DIABLO: variants seen among roughly 807,000 people sequenced by gnomAD.
DIABLO encodes diablo homolog, mitochondrial.
Under a neutral mutation model 31.7 loss-of-function variants are expected in DIABLO, and 32 were observed. The ratio of observed to expected loss-of-function variants is 1.01; its 90% CI spans 0.76 to 1.35. The LOEUF is 1.35. Among genes scored for constraint, DIABLO ranks in the 40% most tolerant of loss-of-function variants. DIABLO has a pLI of 0.00. For synonymous variants in DIABLO, 132 were observed against 103.2 expected (o/e 1.28, Z -1.69); for missense variants, 316 against 286.4 (o/e 1.10, Z -0.75).
intron 5 of DIABLO, among the ~76,000 whole-genome samples, chr12:122,212,295 A>G (rs148509987): frequency 2.5e-3 from 386 of 152,148 alleles, no homozygotes; most frequent in African/African-American, 7.2e-3. Context: ...AAATTTAAAA[A>G]CTTGTTTTAC....
upstream of DIABLO, chr12:122,226,347 A>C (rs1242255038): frequency 6.8e-5 from 41 of 605,792 alleles, 2 homozygotes; most frequent in Admixed American, 4.9e-4. Context: ...GCTTGAAGGG[A>C]ATTTCCTGGT....
upstream of DIABLO, chr12:122,226,233 G>A (rs1341539294): frequency 2.6e-6 from 2 of 777,970 alleles, no homozygotes; most frequent in African/African-American, 1.7e-5. Flanking sequence ...TTCCGCGCGG[G>A]GCGGGGCATA....
intron 1 of DIABLO, chr12:122,225,378 T>G: frequency 1.0e-6 from 1 of 990,208 alleles, no homozygotes; most frequent in Non-Finnish European, 1.2e-6. Context: ...CAGAGGCAGA[T>G]CTTGTCTCAA....
Position 122,218,322 on chromosome 12 carries a change from T to C in DIABLO, c.259A>G (p.Thr87Ala), listed in dbSNP as rs761129000. The C allele has an allele frequency of 8.7e-6, 14 of 1,614,022 alleles. No individual in the cohort carries two copies. Among genetic ancestry groups the C allele is most frequent in the Admixed American group, 1.7e-5 (1 of 59,994 alleles). ...GCATATGTGGTCTGAGAGAGAAAGG[T>C]AGAGGTGCTATCTGTTACCAAAGAC... ...AVSLVTDSTS[T>A]FLSQTTYALI... The change falls in exon 3 of 6, where the codon ACC (threonine) becomes GCC (alanine). Residue 87 changes from threonine (T) to alanine (A), a missense_variant. Thr to Ala is a moderately conservative substitution (Grantham distance 58). Coordinates refer to ENST00000464942, the MANE Select transcript of DIABLO (RefSeq NM_001371333.1).
intron 5 of DIABLO, among the ~76,000 whole-genome samples, chr12:122,210,070 T>A (rs1566021290): frequency 6.6e-6 from 1 of 152,164 alleles, no homozygotes; most frequent in Non-Finnish European, 1.5e-5. Flanking sequence ...ACTCTATAGT[T>A]TTTTACAGTG....
At chr12:122,224,414 T>C in intron 2 of DIABLO, 98 bp downstream of exon 2, 9 of 1,595,194 alleles carry the variant, frequency 5.6e-6, no homozygotes, top group Non-Finnish European at 7.7e-6. Flanking sequence ...ATGGGAGCAC[T>C]GGGAAAAACT....
chr12:122,218,589 G>A (rs907670783), intron 2 of DIABLO, 192 bp from the exon 3 acceptor site: 1 of 643,654 alleles, frequency 1.6e-6, no homozygotes, highest in Non-Finnish European at 2.6e-6. Context: ...TAATTCCGGA[G>A]TATGCTTTCT....
At chr12:122,225,547 TAG>T in intron 1 of DIABLO, 1 of 1,146,558 alleles carries the variant, frequency 8.7e-7, no homozygotes, top group Non-Finnish European at 1.1e-6. Context: ...CAGCGCTAGG[TAG>T]AGAGCCCTGC....
chr12:122,226,568 G>C (rs552911860), upstream of DIABLO: 1,020 of 697,708 alleles, frequency 1.5e-3, 2 homozygotes, highest in Non-Finnish European at 2.3e-3. Flanking sequence ...CCGGCATCGC[G>C]CTGCGCGGGA....
intron 5 of DIABLO, 198 bp from the exon 6 acceptor site, chr12:122,208,775 A>G: frequency 2.9e-6 from 2 of 689,586 alleles, no homozygotes; most frequent in South Asian, 1.5e-5. Flanking sequence ...TCTGTCAAAA[A>G]CAGCATTTTT....
chr12:122,219,929 G>T (rs1954298255), intron 2 of DIABLO, among the ~76,000 whole-genome samples: 1 of 147,380 alleles, frequency 6.8e-6, no homozygotes. Flanking sequence ...CAGTGTTGAT[G>T]GGGGGACCTC....
At chr12:122,215,925 C>G (rs1954201972) in intron 5 of DIABLO, among the ~76,000 whole-genome samples, 1 of 146,642 alleles carries the variant, frequency 6.8e-6, no homozygotes, top group Non-Finnish European at 1.5e-5. Context: ...AGCTGAATCT[C>G]AGCTTGGCTG....
At chr12:122,214,958 G>GC (rs1045998878) in intron 5 of DIABLO, among the ~76,000 whole-genome samples, 6 of 152,070 alleles carry the variant, frequency 3.9e-5, no homozygotes, top group African/African-American at 1.2e-4. Context: ...GCCCTCCTTG[G>GC]CCCCCCAAAG....
In DIABLO at chr12:122,211,978, T is replaced by C. The variant is rs145691184; in HGVS notation, c.524-3401A>G. ...TTATTTTTACTGCAATCACTGATGTTTGAAATTATTCCTATAATTTTTTTT... is the reference window on the plus strand; with the variant it reads ...TTATTTTTACTGCAATCACTGATGTCTGAAATTATTCCTATAATTTTTTTT... On this transcript the variant is annotated intron_variant, in intron 5 of 5. Coordinates refer to ENST00000464942, the MANE Select transcript of DIABLO (RefSeq NM_001371333.1). Among the ~76,000 whole-genome samples the C allele has an allele frequency of 3.1e-3, 468 of 151,724 alleles. 4 individuals are homozygous for C. The highest frequency in any genetic ancestry group is 0.011 in the African/African-American group (440 of 41,346).
upstream of DIABLO, chr12:122,226,477 C>G: frequency 1.4e-6 from 1 of 698,480 alleles, no homozygotes; most frequent in East Asian, 2.7e-5. Context: ...AGCAGCAGCG[C>G]CCCGATGAGC....
In DIABLO at chr12:122,216,603, G is replaced by C. The variant is rs1190862562; in HGVS notation, c.427-19C>G. 3 of 1,611,800 alleles carry C rather than the reference G, an allele frequency of 1.9e-6. No individual in the cohort carries two copies. Among genetic ancestry groups the C allele is most frequent in the Non-Finnish European group, 2.5e-6 (3 of 1,178,050 alleles). On this transcript the variant is annotated intron_variant, in intron 4 of 5. Transcript: ENST00000464942. ...AAGTCATCTATATAAATCAAGCAAA[G>C]TGCTTCAGACAGCATAAGAGGTCTA...
At chr12:122,210,748 T>A (rs1449171774) in intron 5 of DIABLO, among the ~76,000 whole-genome samples, 2 of 152,066 alleles carry the variant, frequency 1.3e-5, no homozygotes, top group Non-Finnish European at 2.9e-5. Flanking sequence ...TTACTGTGTG[T>A]CTTAGAAGAG....
chr12:122,211,851 TGAA>T (rs1954096046), intron 5 of DIABLO, among the ~76,000 whole-genome samples: 1 of 152,372 alleles, frequency 6.6e-6, no homozygotes, highest in East Asian at 1.9e-4. Flanking sequence ...AATGTCTTAA[TGAA>T]TTGTTCTGTC....
At position 122,208,104 on chromosome 12, in the gene DIABLO, C is replaced by T. The variant is rs1953971763; in HGVS notation, c.*277G>A. 1.6e-6 allele frequency: 1 copy of T among 643,784 alleles called. No homozygotes were observed. The highest frequency in any genetic ancestry group is 2.9e-6 in the Non-Finnish European group (1 of 348,860). 39.9% of individuals were successfully genotyped at this position (643,784 alleles called of 1,614,324 possible). A position where few individuals can be genotyped will look rare whatever the true frequency, so the allele number is the denominator to read the frequency against. ...CTCTCTGACCCAGGTAGGCAAAATG[C>T]TTTGGGTGTGAGGTAAAAAAAATGG... On this transcript the variant is annotated 3_prime_UTR_variant, in exon 6 of 6. Coordinates refer to ENST00000464942, the MANE Select transcript of DIABLO (RefSeq NM_001371333.1).
Sources: allele counts gnomAD v4.1 joint callset (sites outside exome capture counted in the v4.1 genomes callset), GRCh38; gene constraint gnomAD v4.1.1; transcripts MANE v1.5; gene names NCBI Gene and HGNC (gene_info 2026-07-23, HGNC 2026-07-21).